Variants in RANBP2 observed in about 807,000 individuals in gnomAD.
The protein encoded by RANBP2 is E3 SUMO-protein ligase RanBP2.
RANBP2 carries 57 observed loss-of-function variants against 303.6 expected under a neutral mutation model. The observed-to-expected ratio is 0.19, with a 90% confidence interval of 0.15 to 0.23. The LOEUF is 0.23. RANBP2 is among the 10% of genes least tolerant of loss of function. The probability of loss-of-function intolerance (pLI) is 1.00; values close to 1 mark genes in which losing one functional copy is unlikely to be tolerated. For synonymous variants in RANBP2, 1,167 were observed against 1,301.5 expected, an observed-to-expected ratio of 0.90 and a Z score of 2.23; for missense variants, 3,138 against 3,780.8, an observed-to-expected ratio of 0.83 and a Z score of 4.46.
chr2:109,689,113 G>T, the RANBP2 span, among the ~76,000 whole-genome samples: 2 of 151,972 alleles, frequency 1.3e-5, no homozygotes, highest in Non-Finnish European at 2.9e-5. Flanking sequence ...CACCATATTG[G>T]CCAGGCTGAT....
the RANBP2 span, among the ~76,000 whole-genome samples, chr2:109,010,613 G>A: frequency 6.6e-6 from 1 of 152,116 alleles, no homozygotes; most frequent in Non-Finnish European, 1.5e-5. Flanking sequence ...GAGCTCTGGG[G>A]TCTCTTCTCT....
At chr2:109,280,006 C>T in the RANBP2 span, among the ~76,000 whole-genome samples, 1 of 152,150 alleles carries the variant, frequency 6.6e-6, no homozygotes, top group South Asian at 2.1e-4. Context: ...GGCTGTGCTG[C>T]CCCAGGGTGG....
the RANBP2 span, among the ~76,000 whole-genome samples, chr2:109,373,169 G>C: frequency 6.6e-6 from 1 of 152,250 alleles, no homozygotes; most frequent in South Asian, 2.1e-4. Context: ...TCAACACTTC[G>C]CAAGTTTCCA....
the RANBP2 span, among the ~76,000 whole-genome samples, chr2:109,038,501 G>A: frequency 4.0e-5 from 6 of 151,334 alleles, no homozygotes; most frequent in South Asian, 2.1e-4. Context: ...GTCATAACCC[G>A]GTCTCTAAAT....
the RANBP2 span, among the ~76,000 whole-genome samples, chr2:108,877,193 C>T: frequency 5.3e-5 from 8 of 152,168 alleles, 1 homozygote; most frequent in South Asian, 6.2e-4. Context: ...GAAGGCCAGG[C>T]GCGGTGGCTT....
At chr2:109,508,066 G>A in the RANBP2 span, among the ~76,000 whole-genome samples, 1 of 152,094 alleles carries the variant, frequency 6.6e-6, no homozygotes, top group Non-Finnish European at 1.5e-5. Context: ...CCCTCCACGT[G>A]GCTCCTTCCT....
the RANBP2 span, among the ~76,000 whole-genome samples, chr2:109,212,818 C>T: frequency 2.0e-5 from 3 of 152,178 alleles, no homozygotes; most frequent in Admixed American, 1.3e-4. Flanking sequence ...GTTAGACCTC[C>T]TGGTGAGCTG....
chr2:109,433,479 C>G, the RANBP2 span, among the ~76,000 whole-genome samples: 2 of 152,200 alleles, frequency 1.3e-5, no homozygotes, highest in African/African-American at 2.4e-5. Flanking sequence ...ATCAGTCAGC[C>G]TCACTCACAG....
At chr2:109,571,673 A>G in the RANBP2 span, among the ~76,000 whole-genome samples, 3 of 152,200 alleles carry the variant, frequency 2.0e-5, no homozygotes, top group Admixed American at 6.5e-5. Context: ...ACTGTCCTAC[A>G]CTATTTTATA....
chr2:109,564,362 C>A, the RANBP2 span: 1 of 1,548,178 alleles, frequency 6.5e-7, no homozygotes, highest in Non-Finnish European at 8.7e-7. Flanking sequence ...GAACCCCACC[C>A]TACCTGACTG....
At chr2:109,546,216 G>C in the RANBP2 span, 1 of 1,572,630 alleles carries the variant, frequency 6.4e-7, no homozygotes, top group Non-Finnish European at 8.6e-7. Context: ...AGTCTCTTAA[G>C]GTGCTCAAAT....
the RANBP2 span, among the ~76,000 whole-genome samples, chr2:109,539,360 GACC>G: frequency 2.6e-5 from 4 of 151,980 alleles, no homozygotes; most frequent in Non-Finnish European, 4.4e-5. Flanking sequence ...GTAGCCATGT[GACC>G]ACCACAATAA....
At chr2:109,389,863 C>T in the RANBP2 span, among the ~76,000 whole-genome samples, 1 of 152,174 alleles carries the variant, frequency 6.6e-6, no homozygotes, top group East Asian at 1.9e-4. Context: ...GCCCACCTGC[C>T]TGGGCTGTGG....
the RANBP2 span, among the ~76,000 whole-genome samples, chr2:108,949,925 C>T: frequency 2.0e-5 from 3 of 152,204 alleles, no homozygotes; most frequent in East Asian, 5.8e-4. Flanking sequence ...AGGCCAATGC[C>T]CTCATTTCCT....
At chr2:108,906,201 T>C in the RANBP2 span, 2 of 1,160,456 alleles carry the variant, frequency 1.7e-6, no homozygotes, top group Non-Finnish European at 2.6e-6. Context: ...GGCAACTGGA[T>C]GGGCGGCTTC....
At chr2:109,067,516 G>A in the RANBP2 span, among the ~76,000 whole-genome samples, 2 of 152,186 alleles carry the variant, frequency 1.3e-5, no homozygotes, top group Non-Finnish European at 2.9e-5. Flanking sequence ...TCCAGGACTC[G>A]GGCAAGTCCC....
At chr2:108,736,702 C>G (rs945177291) in intron 6 of RANBP2, among the ~76,000 whole-genome samples, 2 of 152,102 alleles carry the variant, frequency 1.3e-5, no homozygotes, top group Non-Finnish European at 2.9e-5. Context: ...CAAAATAACT[C>G]AACTATGTGA....
chr2:108,843,675 T>A, the RANBP2 span, among the ~76,000 whole-genome samples: 2 of 152,118 alleles, frequency 1.3e-5, no homozygotes, highest in African/African-American at 4.8e-5. Context: ...AAGGTGTCAT[T>A]TCTCTCACAC....
the RANBP2 span, among the ~76,000 whole-genome samples, chr2:108,965,995 T>C: frequency 1.3e-5 from 2 of 152,168 alleles, no homozygotes; most frequent in Admixed American, 1.3e-4. Context: ...CCCTCATCTT[T>C]GAGTGACACC....
Sources: gnomAD v4.1 joint callset for allele counts (sites outside exome capture counted in the v4.1 genomes callset) on GRCh38, gnomAD v4.1.1 for gene constraint, MANE v1.5 for transcripts, NCBI Gene and HGNC (gene_info 2026-07-23, HGNC 2026-07-21) for gene names.